The following ATXN7L1 variants were observed in gnomAD, a reference collection of about 807,000 sequenced individuals.
The protein encoded by ATXN7L1 is ataxin-7-like protein 1.
ATXN7L1 carries 15 observed loss-of-function variants against 70.8 expected under a neutral mutation model. The ratio of observed to expected loss-of-function variants is 0.21; its 90% confidence interval spans 0.14 to 0.33. The LOEUF (loss-of-function observed/expected upper bound fraction) is 0.33, where lower values mean the gene tolerates loss of function less well. Among genes scored for constraint, ATXN7L1 ranks in the 10% least tolerant of loss-of-function variants. The pLI is 1.00. For synonymous variants in ATXN7L1, 440 were observed against 445.1 expected (o/e 0.99, Z 0.14); for missense variants, 975 against 1,097.1 (o/e 0.89, Z 1.57).
At chr7:105,736,031 C>G (rs1026645219) in intron 3 of ATXN7L1, among the ~76,000 whole-genome samples, 12 of 152,122 alleles carry the variant, frequency 7.9e-5, no homozygotes, top group Non-Finnish European at 1.5e-4. Flanking sequence ...GACAGTAAAG[C>G]TAATCATTTT....
At chr7:105,664,575 G>GTGTATATATA in intron 4 of ATXN7L1, among the ~76,000 whole-genome samples, 6 of 131,978 alleles carry the variant, frequency 4.5e-5, no homozygotes, top group Admixed American at 7.4e-5. Context: ...GTATGTGTGT[G>GTGTATATATA]TATATATATA....
intron 4 of ATXN7L1, among the ~76,000 whole-genome samples, chr7:105,643,548 G>C (rs1798560567): frequency 6.6e-6 from 1 of 152,198 alleles, no homozygotes; most frequent in Admixed American, 6.5e-5. Flanking sequence ...TGCTCAGCTA[G>C]TCCCCCAGCC....
intron 2 of ATXN7L1, among the ~76,000 whole-genome samples, chr7:105,822,943 T>C (rs1810366174): frequency 6.6e-6 from 1 of 152,226 alleles, no homozygotes; most frequent in Admixed American, 6.5e-5. Context: ...TATGCGCATG[T>C]AATTTATAAT....
intron 3 of ATXN7L1, among the ~76,000 whole-genome samples, chr7:105,732,389 G>A (rs1796674810): frequency 6.6e-6 from 1 of 152,032 alleles, no homozygotes; most frequent in Non-Finnish European, 1.5e-5. Flanking sequence ...TCCCAGTCTG[G>A]GCGACAATAA....
At chr7:105,813,696 T>G (rs1057199558) in intron 2 of ATXN7L1, among the ~76,000 whole-genome samples, 2 of 152,214 alleles carry the variant, frequency 1.3e-5, no homozygotes, top group African/African-American at 4.8e-5. Context: ...AATTCTGAAA[T>G]TAAGTTTTTT....
In ATXN7L1 at chr7:105,844,366, A is replaced by G. The variant is rs6977858; in HGVS notation, c.250+31446T>C. 6.2e-3 allele frequency among the ~76,000 whole-genome samples: 949 copies of G among 152,324 alleles called. 9 individuals are homozygous for G. The highest frequency in any genetic ancestry group is 0.022 in the African/African-American group (900 of 41,570). On this transcript the variant is annotated intron_variant, in intron 2 of 11. Transcript: ENST00000419735. ...AGCAAACCAAATTCAGCAATATATA[A>G]AAAGGATTATGTACCATGAACAAGT... is the stretch of plus-strand genomic sequence containing the variant.
In ATXN7L1 at chr7:105,851,226, A is replaced by G. The variant is rs112744892; in HGVS notation, c.250+24586T>C. ...TTCCTAGGTCTGGTCCTGTTGTCCAAATGAGCAAGCAGAGGAACAGAGAGG... is the reference window on the plus strand; with the variant it reads ...TTCCTAGGTCTGGTCCTGTTGTCCAGATGAGCAAGCAGAGGAACAGAGAGG... On this transcript the variant is annotated intron_variant, in intron 2 of 11. Coordinates refer to ENST00000419735, the MANE Select transcript of ATXN7L1 (RefSeq NM_020725.2). Among the ~76,000 whole-genome samples, 749 of 152,224 alleles carry G rather than the reference A, an allele frequency of 4.9e-3. 3 individuals carry two copies. The highest frequency in any genetic ancestry group is 0.017 in the African/African-American group (698 of 41,514).
chr7:105,683,504 C>T (rs772576517), intron 3 of ATXN7L1, among the ~76,000 whole-genome samples: 3 of 152,040 alleles, frequency 2.0e-5, no homozygotes, highest in Admixed American at 1.3e-4. Flanking sequence ...CATGGTGAAA[C>T]CTTGTCTCTA....
chr7:105,659,998 T>C (rs1307186907), intron 4 of ATXN7L1, among the ~76,000 whole-genome samples: 1 of 152,088 alleles, frequency 6.6e-6, no homozygotes, highest in Non-Finnish European at 1.5e-5. Flanking sequence ...TGTCCTTCCC[T>C]TGAGGAAGCG....
chr7:105,835,148 G>GTTTTTTTTTTTTTTTTTTTT, intron 2 of ATXN7L1, among the ~76,000 whole-genome samples: 1 of 85,026 alleles, frequency 1.2e-5, no homozygotes, highest in Non-Finnish European at 2.1e-5. Context: ...ATAAGTGTGT[G>GTTTTTTTTTTTTTTTTTTTT]GTTTTTTTTT....
intron 4 of ATXN7L1, 81 bp downstream of exon 4, chr7:105,664,985 A>G: frequency 2.2e-6 from 3 of 1,369,388 alleles, no homozygotes; most frequent in Non-Finnish European, 3.0e-6. Flanking sequence ...GAACAAAGCC[A>G]GAGAGTAAAT....
chr7:105,607,541 G>A lies in ATXN7L1; in HGVS notation c.*311C>T. 1 of 423,776 alleles carries A rather than the reference G, an allele frequency of 2.4e-6. No individual in the cohort carries two copies. Among genetic ancestry groups the A allele is most frequent in the Non-Finnish European group, 4.3e-6 (1 of 232,876 alleles). The allele number at this position is 423,776 out of a possible 1,614,324, so 26.3% of individuals were successfully genotyped here. A position where few individuals can be genotyped will look rare whatever the true frequency, so the allele number is the denominator to read the frequency against. On this transcript the variant is annotated 3_prime_UTR_variant, in exon 12 of 12. Transcript: ENST00000419735. ...CTCTCATGGCTGGAGCAAAAGGATG[G>A]TACAGTAGCAGCATCAGGAGCTAGG...
intron 3 of ATXN7L1, among the ~76,000 whole-genome samples, chr7:105,769,060 G>A (rs1185476761): frequency 1.3e-5 from 2 of 152,186 alleles, no homozygotes; most frequent in Admixed American, 6.5e-5. Context: ...TGTGGCCTCA[G>A]GCAAATCACT....
At chr7:105,632,520 G>A (rs888715990) in intron 7 of ATXN7L1, among the ~76,000 whole-genome samples, 1 of 152,142 alleles carries the variant, frequency 6.6e-6, no homozygotes, top group Non-Finnish European at 1.5e-5. Context: ...CAATAGTGGG[G>A]AGAAAATTAT....
At chr7:105,782,804 A>G (rs1023543) in intron 3 of ATXN7L1, among the ~76,000 whole-genome samples, 95,494 of 152,162 alleles carry the variant, frequency 0.63, 32,412 homozygotes, top group African/African-American at 0.89. Context: ...TATTCAGGCC[A>G]GCATTTCTTG....
intron 4 of ATXN7L1, among the ~76,000 whole-genome samples, chr7:105,644,715 T>C (rs1254142492): frequency 6.6e-6 from 1 of 152,206 alleles, no homozygotes; most frequent in Non-Finnish European, 1.5e-5. Flanking sequence ...TCCCAAATGA[T>C]AAAAAGATGC....
intron 3 of ATXN7L1, among the ~76,000 whole-genome samples, chr7:105,748,524 G>C (rs1798837943): frequency 6.6e-6 from 1 of 152,216 alleles, no homozygotes; most frequent in Non-Finnish European, 1.5e-5. Flanking sequence ...CAGGTCCTAC[G>C]CTATGCCCTC....
chr7:105,875,647 T>TA (rs1283542150), intron 2 of ATXN7L1, among the ~76,000 whole-genome samples, 165 bp downstream of exon 2: 11 of 114,082 alleles, frequency 9.6e-5, no homozygotes, highest in African/African-American at 3.5e-4. Context: ...CAGTTGTATT[T>TA]ATACTTTGAA....
intron 2 of ATXN7L1, among the ~76,000 whole-genome samples, chr7:105,843,354 T>C (rs1270088919): frequency 1.3e-5 from 2 of 152,242 alleles, no homozygotes; most frequent in Admixed American, 6.5e-5. Flanking sequence ...TGGTCTGAGA[T>C]GCTCAGCTTG....
Sources: gnomAD v4.1 joint callset for allele counts (sites outside exome capture counted in the v4.1 genomes callset) on GRCh38, gnomAD v4.1.1 for gene constraint, MANE v1.5 for transcripts, NCBI Gene and HGNC (gene_info 2026-07-23, HGNC 2026-07-21) for gene names.